The following F13A1 variants were observed in gnomAD, a reference collection of about 807,000 sequenced individuals.
The protein encoded by F13A1 is coagulation factor XIII A chain, also known as FSF, A subunit.
In F13A1, 47 loss-of-function variants were observed where a neutral mutation model predicts 80.1. That is an observed-to-expected ratio of 0.59 (90% confidence interval 0.46 to 0.75). The LOEUF (loss-of-function observed/expected upper bound fraction) is 0.75. Among genes scored for constraint, F13A1 ranks in the 30% least tolerant of loss-of-function variants. The probability of loss-of-function intolerance (pLI) is 0.00; values close to 1 mark genes in which losing one functional copy is unlikely to be tolerated. For missense variants in F13A1, 817 were observed against 930.4 expected (o/e 0.88, Z 1.59); for synonymous variants, 349 against 344.9 (o/e 1.01, Z -0.13).
intron 11 of F13A1, among the ~76,000 whole-genome samples, chr6:6,180,737 ACT>A (rs1360048703): frequency 6.6e-6 from 1 of 152,218 alleles, no homozygotes; most frequent in Non-Finnish European, 1.5e-5. Context: ...GTGAAAATTC[ACT>A]AGTTCAGATA....
intron 6 of F13A1, among the ~76,000 whole-genome samples, chr6:6,232,233 A>C (rs1757362949): frequency 6.6e-6 from 1 of 152,118 alleles, no homozygotes; most frequent in African/African-American, 2.4e-5. Flanking sequence ...GACTCACATA[A>C]ACTTAAAGTA....
At chr6:6,211,803 G>A (rs1050472059) in intron 8 of F13A1, among the ~76,000 whole-genome samples, 20 of 152,214 alleles carry the variant, frequency 1.3e-4, no homozygotes, top group Non-Finnish European at 2.5e-4. Context: ...GACAGTGGGC[G>A]CAGGTTAGTG....
rs1177391952 is a variant in F13A1 at position 6,151,836 on chromosome 6, T to C, written c.2022A>G (p.Thr674=). The change falls in exon 14 of 15, where the codon ACA becomes ACG. Residue 674 remains threonine (T), a synonymous_variant. Coordinates refer to ENST00000264870, the MANE Select transcript of F13A1 (RefSeq NM_000129.4). ...ACCGGAACATCTTCTTCATTGGTCT[T>C]GTTACTCCAGGACCATCCAGGTGTA... is the stretch of plus-strand genomic sequence containing the variant. The part of the protein sequence containing the change: ...VWVHLDGPGV[T]RPMKKMFREI... 6.2e-7 allele frequency: 1 copy of C among 1,614,084 alleles called. No individual in the cohort carries two copies. The highest frequency in any genetic ancestry group is 2.2e-5 in the East Asian group (1 of 44,880).
chr6:6,300,031 G>T lies in F13A1; in HGVS notation c.319+5320C>A, dbSNP rs547204801. Among the ~76,000 whole-genome samples, 45 of 147,248 alleles carry T rather than the reference G, an allele frequency of 3.1e-4. 1 individual carries two copies. Among genetic ancestry groups the T allele is most frequent in the Non-Finnish European group, 5.0e-4 (34 of 67,880 alleles). ...CCGTGTGAAGTGTCAGTGTGCCCCT[G>T]CTGGGGGGTGCCTCCCAGTTAGGCT... On this transcript the variant is annotated intron_variant, in intron 3 of 14. Transcript: ENST00000264870.
intron 3 of F13A1, among the ~76,000 whole-genome samples, chr6:6,272,368 G>A (rs1239739526): frequency 6.6e-6 from 1 of 152,148 alleles, no homozygotes; most frequent in East Asian, 1.9e-4. Context: ...CCTCTCTCAT[G>A]CCTAGGACCT....
At chr6:6,305,978 G>T (rs73718717) in intron 2 of F13A1, among the ~76,000 whole-genome samples, 1,535 of 152,278 alleles carry the variant, frequency 0.01, 29 homozygotes, top group African/African-American at 0.035. Flanking sequence ...TCTTTCCAAA[G>T]GAAGGAATCA....
intron 4 of F13A1, among the ~76,000 whole-genome samples, chr6:6,265,453 A>G (rs2113122280): frequency 6.6e-6 from 1 of 152,322 alleles, no homozygotes; most frequent in South Asian, 2.1e-4. Flanking sequence ...AGCTTCGTAC[A>G]AAGTGTGGGA....
chr6:6,259,363 T>C (rs1757747478), intron 4 of F13A1, among the ~76,000 whole-genome samples: 1 of 152,184 alleles, frequency 6.6e-6, no homozygotes, highest in Admixed American at 6.5e-5. Flanking sequence ...TAAGGATGAA[T>C]TTAATGATAA....
At chr6:6,196,095 G>T (rs904804163) in intron 9 of F13A1, among the ~76,000 whole-genome samples, 6 of 152,152 alleles carry the variant, frequency 3.9e-5, no homozygotes, top group African/African-American at 1.4e-4. Flanking sequence ...TAAATACAAG[G>T]CAACACTATT....
At chr6:6,274,240 G>A (rs1011973357) in intron 3 of F13A1, among the ~76,000 whole-genome samples, 1 of 152,188 alleles carries the variant, frequency 6.6e-6, no homozygotes, top group African/African-American at 2.4e-5. Context: ...TTGGCAAATG[G>A]AAGCTAGGTA....
At chr6:6,207,866 C>T (rs1383846330) in intron 8 of F13A1, among the ~76,000 whole-genome samples, 1 of 152,164 alleles carries the variant, frequency 6.6e-6, no homozygotes, top group Non-Finnish European at 1.5e-5. Flanking sequence ...AAGAAGGTCA[C>T]TAAATAAACG....
At chr6:6,299,686 T>A (rs1758390203) in intron 3 of F13A1, among the ~76,000 whole-genome samples, 1 of 143,386 alleles carries the variant, frequency 7.0e-6, no homozygotes, top group Non-Finnish European at 1.5e-5. Context: ...TCTTTGCCTT[T>A]GGTTTGAATG....
At chr6:6,310,647 G>C (rs1464807263) in intron 2 of F13A1, among the ~76,000 whole-genome samples, 1 of 152,128 alleles carries the variant, frequency 6.6e-6, no homozygotes, top group Non-Finnish European at 1.5e-5. Context: ...TAAATGTCCT[G>C]TGCCTCAGTT....
At chr6:6,175,852 A>G (rs991550181) in intron 11 of F13A1, among the ~76,000 whole-genome samples, 6 of 152,260 alleles carry the variant, frequency 3.9e-5, no homozygotes, top group Non-Finnish European at 7.3e-5. Context: ...GAGGAAAAAG[A>G]GGAGGGTAAC....
At chr6:6,177,206 T>C (rs1424615104) in intron 11 of F13A1, among the ~76,000 whole-genome samples, 2 of 152,210 alleles carry the variant, frequency 1.3e-5, no homozygotes, top group African/African-American at 4.8e-5. Context: ...AAAAATATCT[T>C]TCCATTAACT....
chr6:6,248,906 G>A (rs1004094128), intron 5 of F13A1, among the ~76,000 whole-genome samples: 2 of 152,174 alleles, frequency 1.3e-5, no homozygotes, highest in East Asian at 1.9e-4. Flanking sequence ...AAAATAGTAG[G>A]AGACCTCATA....
intron 1 of F13A1, 99 bp from the exon 2 acceptor site, chr6:6,318,781 T>G: frequency 1.5e-6 from 2 of 1,299,902 alleles, no homozygotes; most frequent in Non-Finnish European, 2.2e-6. Flanking sequence ...TATATCTGTG[T>G]GTGATAGCAC....
At chr6:6,305,575 T>C in intron 2 of F13A1, 36 bp from the exon 3 acceptor site, 1 of 1,603,300 alleles carries the variant, frequency 6.2e-7, no homozygotes, top group South Asian at 1.1e-5. Flanking sequence ...AAGAAAATAA[T>C]CAACTAACTT....
intron 10 of F13A1, among the ~76,000 whole-genome samples, chr6:6,185,827 C>T (rs1372629954): frequency 1.3e-5 from 2 of 152,222 alleles, no homozygotes; most frequent in African/African-American, 4.8e-5. Flanking sequence ...AACTAGTTTA[C>T]AGTCTCATCA....
Sources: allele counts gnomAD v4.1 joint callset (sites outside exome capture counted in the v4.1 genomes callset), GRCh38; gene constraint gnomAD v4.1.1; transcripts MANE v1.5; gene names NCBI Gene and HGNC (gene_info 2026-07-23, HGNC 2026-07-21).